Variants in USP6 observed in about 807,000 individuals in gnomAD.
USP6 encodes ubiquitin carboxyl-terminal hydrolase 6.
USP6 carries 128 observed loss-of-function variants against 175.7 expected under a neutral mutation model. That is an observed-to-expected ratio of 0.73 (90% CI 0.63 to 0.84). The LOEUF (loss-of-function observed/expected upper bound fraction) is 0.84. Among genes scored for constraint, USP6 ranks in the 40% least tolerant of loss-of-function variants. The pLI is 0.00. For synonymous variants in USP6, 562 were observed against 630.6 expected (o/e 0.89, Z 1.63); for missense variants, 1,498 against 1,760.3 (o/e 0.85, Z 2.67).
intron 2 of USP6, 140 bp from the exon 3 acceptor site, chr17:5,120,487 G>T (rs543834882): frequency 1.5e-5 from 5 of 323,912 alleles, no homozygotes; most frequent in South Asian, 1.3e-4. Context: ...CACCTTCAGG[G>T]TGAGGAGCTG....
Position 5,129,108 on chromosome 17 carries a change from T to C in USP6, c.-181T>C, listed in dbSNP as rs2072981391. The C allele has an allele frequency of 6.6e-6, 1 of 152,424 alleles. No homozygotes were observed. Among genetic ancestry groups the C allele is most frequent in the Admixed American group, 6.5e-5 (1 of 15,278 alleles). The allele number at this position is 152,424 out of a possible 1,614,324, so 9.4% of individuals were successfully genotyped here. A position where few individuals can be genotyped will look rare whatever the true frequency, so the allele number is the denominator to read the frequency against. On this transcript the variant is annotated 5_prime_UTR_variant, in exon 8 of 38. Transcript: ENST00000574788. ...CATGGTGGCTTCGTAGAGTGGGTGC[T>C]GTTCCCGAATGTACCCATTCGACAG...
intron 22 of USP6, among the ~76,000 whole-genome samples, chr17:5,140,432 G>A (rs1232395799): frequency 3.3e-5 from 5 of 152,136 alleles, no homozygotes; most frequent in Admixed American, 1.3e-4. Context: ...AATTAGCCAG[G>A]CATGGTGGCA....
chr17:5,153,273 A>G (rs1160502735), intron 30 of USP6, among the ~76,000 whole-genome samples: 1 of 152,214 alleles, frequency 6.6e-6, no homozygotes, highest in Admixed American at 6.5e-5. Context: ...GCTTTGTGAT[A>G]ATTATTTGAA....
At position 5,155,733 on chromosome 17, in the gene USP6, A is replaced by T. The variant is rs534189416; in HGVS notation, c.2828+127A>T. The T allele has an allele frequency of 5.1e-5, 40 of 782,612 alleles. 1 individual carries two copies. The African/African-American group carries it at 7.1e-4, about 14-fold the overall frequency. The allele number at this position is 782,612 out of a possible 1,614,324, so 48.5% of individuals were successfully genotyped here. The stretch of plus-strand genomic sequence containing the variant: ...GGCGCCCAGCCAAAATAAGTTATTT[A>T]AATAATTATTTAAAGTATTTATTTT... On this transcript the variant is annotated intron_variant, in intron 31 of 37. Coordinates refer to ENST00000574788, the MANE Select transcript of USP6 (RefSeq NM_001304284.2).
intron 18 of USP6, 31 bp from the exon 19 acceptor site, chr17:5,137,090 G>T: frequency 6.2e-7 from 1 of 1,611,798 alleles, no homozygotes; most frequent in Non-Finnish European, 8.5e-7. Flanking sequence ...GCAGCCCAGG[G>T]GGCCCTGAGC....
At position 5,127,547 on chromosome 17, in the gene USP6, A is replaced by G. The variant is rs1393723119; in HGVS notation, c.-430A>G. The G allele has an allele frequency of 6.6e-6, 1 of 152,178 alleles. No homozygotes were observed. Among genetic ancestry groups the G allele is most frequent in the Non-Finnish European group, 1.5e-5 (1 of 68,064 alleles). The allele number at this position is 152,178 out of a possible 1,614,324, so 9.4% of individuals were successfully genotyped here. A position where few individuals can be genotyped will look rare whatever the true frequency, so the allele number is the denominator to read the frequency against. ...CTGAGATGGGGAGTCGGGGGAGACAATGGATGAATGGATGGATGAATGGAC... is the reference window on the plus strand; with the variant it reads ...CTGAGATGGGGAGTCGGGGGAGACAGTGGATGAATGGATGGATGAATGGAC... On this transcript the variant is annotated 5_prime_UTR_variant, in exon 7 of 38. The change abolishes an upstream ATG in the 5' untranslated region. Coordinates refer to ENST00000574788, the MANE Select transcript of USP6 (RefSeq NM_001304284.2).
chr17:5,163,770 T>G (rs192833689), intron 33 of USP6, among the ~76,000 whole-genome samples: 11 of 152,306 alleles, frequency 7.2e-5, no homozygotes, highest in Admixed American at 7.2e-4. Flanking sequence ...TTAGTTCAAG[T>G]GTGTCCCAGG....
intron 2 of USP6, among the ~76,000 whole-genome samples, chr17:5,119,893 G>A (rs1384828973): frequency 6.6e-6 from 1 of 152,092 alleles, no homozygotes; most frequent in African/African-American, 2.4e-5. Context: ...CGGCTGCACA[G>A]GGACCCCTCC....
chr17:5,145,430 A>C lies in USP6; in HGVS notation c.2018A>C (p.Asn673Thr), dbSNP rs930980321. 15 of 1,610,702 alleles carry C rather than the reference A, an allele frequency of 9.3e-6. No individual in the cohort carries two copies. The highest frequency in any genetic ancestry group is 1.3e-5 in the Non-Finnish European group (15 of 1,178,774). ...GCCTGGGACAACCATCTAAGAAGAA[A>C]TAGATCAATTATTGTGGATTTGTTC... ...AEAWDNHLRRNRSIIVDLFHG... is the reference protein window; with the variant it reads ...AEAWDNHLRRTRSIIVDLFHG... The change falls in exon 27 of 38, where the codon AAT becomes ACT. Residue 673 changes from asparagine to threonine, a missense_variant. Asn to Thr is a moderately conservative substitution (Grantham distance 65, BLOSUM62 0). Transcript: ENST00000574788.
intron 37 of USP6, among the ~76,000 whole-genome samples, chr17:5,172,255 A>T (rs113108173): frequency 3.4e-5 from 5 of 147,998 alleles, no homozygotes; most frequent in African/African-American, 1.2e-4. Context: ...GGTTGGGCCG[A>T]GCGCGGTGGC....
At chr17:5,144,547 C>T (rs2073552195) in intron 25 of USP6, 143 bp from the exon 26 acceptor site, 3 of 1,011,176 alleles carry the variant, frequency 3.0e-6, no homozygotes, top group Non-Finnish European at 2.8e-6. Flanking sequence ...TCATGATTAT[C>T]CAAAATACAT....
intron 17 of USP6, among the ~76,000 whole-genome samples, 170 bp from the exon 18 acceptor site, chr17:5,136,470 G>A (rs1285749087): frequency 6.6e-6 from 1 of 152,218 alleles, no homozygotes; most frequent in East Asian, 1.9e-4. Context: ...GGCTCCAGGG[G>A]ATGTTCCTGT....
intron 4 of USP6, chr17:5,123,169 T>A (rs1389742246): frequency 1.4e-5 from 2 of 147,028 alleles, no homozygotes; most frequent in Non-Finnish European, 3.0e-5. Flanking sequence ...CGCGGGGGCG[T>A]CATGGGGCAG....
chr17:5,170,903 A>G lies in USP6; in HGVS notation c.3942A>G (p.Leu1314=), dbSNP rs1317042801. Residue 1314 remains leucine (L), a synonymous_variant, in exon 36 of 38, where the codon CTA becomes CTG. Coordinates refer to ENST00000574788, the MANE Select transcript of USP6 (RefSeq NM_001304284.2). The stretch of plus-strand genomic sequence containing the variant: ...CTCATATTAAGCCTATTTATAATCT[A>G]TATGCAATTTCAGTAAGTGGTTTAT... ...EDTHIKPIYN[L]YAISCHSGIL... 6.2e-7 allele frequency: 1 copy of G among 1,610,448 alleles called. No homozygotes were observed. Among genetic ancestry groups the G allele is most frequent in the Non-Finnish European group, 8.5e-7 (1 of 1,178,524 alleles).
chr17:5,144,112 TG>T (rs2073536865), intron 25 of USP6, among the ~76,000 whole-genome samples: 1 of 152,160 alleles, frequency 6.6e-6, no homozygotes, highest in Admixed American at 6.6e-5. Context: ...ACTTACCTCT[TG>T]CCAGGCACTA....
rs769234796 is a variant in USP6, at chr17:5,138,197, C to A, written c.1002C>A (p.Asn334Lys). 1.2e-6 allele frequency: 2 copies of A among 1,613,950 alleles called. No homozygotes were observed. Among genetic ancestry groups the A allele is most frequent in the African/African-American group, 1.3e-5 (1 of 74,896 alleles). ...RNQFFDTWAM[N>K]DDTVLKHLRA... ...AATTCTTCGATACCTGGGCCATGAACGATGACACCGTGCTCAAGCATCTTA... is the reference window on the plus strand; with the variant it reads ...AATTCTTCGATACCTGGGCCATGAAAGATGACACCGTGCTCAAGCATCTTA... Residue 334 changes from asparagine (N) to lysine (K), a missense_variant, in exon 21 of 38, where the codon AAC becomes AAA. Around this residue, in one of 2 missense-constraint regions of USP6, gnomAD observed 1,217 missense variants for 1,500.8 expected, o/e 0.81. Transcript: ENST00000574788.
At chr17:5,147,913 C>T (rs1461013184) in intron 29 of USP6, among the ~76,000 whole-genome samples, 1 of 152,158 alleles carries the variant, frequency 6.6e-6, no homozygotes, top group Non-Finnish European at 1.5e-5. Flanking sequence ...AAGGGTCTCA[C>T]TCTGTCACCC....
Position 5,172,991 on chromosome 17 carries a change from G to A in USP6, c.*13G>A. ...TATGTTACAGTAAAGCTACCACTCT[G>A]GCTGCTAGACAGCTTGGTGGCGAGG... On this transcript the variant is annotated 3_prime_UTR_variant, in exon 38 of 38. Transcript: ENST00000574788. 2.5e-6 allele frequency: 4 copies of A among 1,612,826 alleles called. No individual in the cohort carries two copies. Among genetic ancestry groups the A allele is most frequent in the Non-Finnish European group, 3.4e-6 (4 of 1,178,994 alleles).
rs2074294347 is a variant in USP6 at position 5,174,991 on chromosome 17, A to G, written c.*2013A>G. 1 of 185,434 alleles carries G rather than the reference A, an allele frequency of 5.4e-6. No individual in the cohort carries two copies. The highest frequency in any genetic ancestry group is 2.0e-4 in the South Asian group (1 of 5,098). 11.5% of individuals were successfully genotyped at this position (185,434 alleles called of 1,614,324 possible). Reference sequence around the variant, plus strand: ...CAAATTAAATACTGTGGTTGCCTCTATGTGCTGTTTTTCCTCATACAAGTA... The same window carrying G: ...CAAATTAAATACTGTGGTTGCCTCTGTGTGCTGTTTTTCCTCATACAAGTA... On this transcript the variant is annotated 3_prime_UTR_variant, in exon 38 of 38. Transcript: ENST00000574788.
Sources: allele counts gnomAD v4.1 joint callset (sites outside exome capture counted in the v4.1 genomes callset), GRCh38; gene constraint gnomAD v4.1.1; regional missense constraint gnomAD v4.1.1; transcripts MANE v1.5; gene names NCBI Gene and HGNC (gene_info 2026-07-23, HGNC 2026-07-21).